The following MDC1 variants were observed in gnomAD, a reference collection of about 807,000 sequenced individuals.
The protein encoded by MDC1 is mediator of DNA damage checkpoint protein 1.
Under a neutral mutation model 142.5 loss-of-function variants are expected in MDC1, and 81 were observed. The ratio of observed to expected loss-of-function variants is 0.57; its 90% CI spans 0.47 to 0.68. The LOEUF is 0.68. Among genes scored for constraint, MDC1 ranks in the 30% least tolerant of loss-of-function variants. MDC1 has a pLI of 0.00. For missense variants in MDC1, 2,119 were observed against 2,547.9 expected (o/e 0.83, Z 3.62); for synonymous variants, 797 against 968.4 (o/e 0.82, Z 3.29).
chr6:30,701,157 C>T (rs1772606562), intron 14 of MDC1, among the ~76,000 whole-genome samples: 1 of 151,616 alleles, frequency 6.6e-6, no homozygotes, highest in Admixed American at 6.6e-5. Context: ...AATCCCAGCA[C>T]TTTGGGAGGC....
At position 30,708,375 on chromosome 6, in the gene MDC1, A is replaced by C. The variant is rs1338539910; in HGVS notation, c.2222-18T>G. On this transcript the variant is annotated intron_variant, in intron 7 of 14. Coordinates refer to ENST00000376406, the MANE Select transcript of MDC1 (RefSeq NM_014641.3). ...TAGGGTACCTGGAAGGGGAGGAAGG[A>C]AGAGAGAGAGAGGGAGAGGGAGAGA... 6.9e-6 allele frequency: 11 copies of C among 1,593,300 alleles called. No individual in the cohort carries two copies. The Admixed American group carries it at 1.5e-4, about 22-fold the overall frequency.
Position 30,712,818 on chromosome 6 carries a change from C to G in MDC1, c.1124G>C (p.Gly375Ala). Residue 375 changes from glycine (G) to alanine (A), a missense_variant, in exon 5 of 15, where the codon GGT (glycine) becomes GCT (alanine). Transcript: ENST00000376406. The surrounding 1 kb of genome is among the most constrained non-coding windows in gnomAD (Gnocchi z 4.7). ...GLAHLQESQA[G>A]SDTDVEEGKA... ...GCCTTCTTCCACATCTGTATCACTA[C>G]CAGCCTGGCTCTCCTGCAGATGGGC... 3.1e-6 allele frequency: 5 copies of G among 1,613,028 alleles called. No homozygotes were observed. Among genetic ancestry groups the G allele is most frequent in the Non-Finnish European group, 4.2e-6 (5 of 1,179,994 alleles).
intron 9 of MDC1, 87 bp from the exon 10 acceptor site, chr6:30,706,185 A>T: frequency 8.4e-7 from 1 of 1,194,276 alleles, no homozygotes; most frequent in Non-Finnish European, 1.2e-6. Flanking sequence ...GTTTATGGTT[A>T]GATAGGCTTA....
chr6:30,714,907 C>T, intron 2 of MDC1, 133 bp downstream of exon 2: 1 of 911,040 alleles, frequency 1.1e-6, no homozygotes, highest in African/African-American at 1.7e-5. Context: ...CAATCGGCCC[C>T]ATCTCTTCCA....
intron 14 of MDC1, 73 bp from the exon 15 acceptor site, chr6:30,700,705 G>A: frequency 1.4e-6 from 2 of 1,479,402 alleles, no homozygotes; most frequent in Admixed American, 1.8e-5. Context: ...CCACTAACCA[G>A]TCTTACCATC....
rs1775505786 is a variant in MDC1, at chr6:30,715,290, T to A, written c.-3-112A>T. On this transcript the variant is annotated intron_variant, in intron 1 of 14. Coordinates refer to ENST00000376406, the MANE Select transcript of MDC1 (RefSeq NM_014641.3). The surrounding 1 kb of genome is among the most constrained non-coding windows in gnomAD (Gnocchi z 4.1). ...ACTGGATCATTATGAACGTTGATGC[T>A]TCTCTTTCCACCAATCTTTCTGTTG... 1 of 1,151,246 alleles carries A rather than the reference T, an allele frequency of 8.7e-7. No homozygotes were observed. Among genetic ancestry groups the A allele is most frequent in the Admixed American group, 2.0e-5 (1 of 51,014 alleles). The allele number at this position is 1,151,246 out of a possible 1,614,324, so 71.3% of individuals were successfully genotyped here.
rs1210203774 is a variant in MDC1 at position 30,711,663 on chromosome 6, T to C, written c.2128+4A>G. The stretch of plus-strand genomic sequence containing the variant: ...CAGGATTCAAATAACACAGAAGTCC[T>C]CACCTTCCAGGCCCTGATTCTCCAG... On this transcript the variant is annotated splice_donor_region_variant and intron_variant, in intron 6 of 14. Transcript: ENST00000376406. 1 of 1,612,848 alleles carries C rather than the reference T, an allele frequency of 6.2e-7. No individual in the cohort carries two copies. The highest frequency in any genetic ancestry group is 1.1e-5 in the South Asian group (1 of 91,040).
chr6:30,702,001 G>A (rs1016738334), intron 14 of MDC1, among the ~76,000 whole-genome samples: 3 of 151,584 alleles, frequency 2.0e-5, no homozygotes, highest in African/African-American at 4.8e-5. Context: ...GGTGGCTCAC[G>A]CCTGTAATCC....
In MDC1 at chr6:30,703,326, G is replaced by A; in HGVS notation, c.5683-40C>T. ...ACCTGAGGTGGTTACGGCAACCCAT[G>A]CCATCAGCACCCATCTCTACAATCC... On this transcript the variant is annotated intron_variant, in intron 11 of 14. Coordinates refer to ENST00000376406, the MANE Select transcript of MDC1 (RefSeq NM_014641.3). This position sits in a 1 kb window ranked among gnomAD's most constrained non-coding sequence, Gnocchi z 4.4. The A allele has an allele frequency of 6.2e-7, 1 of 1,608,988 alleles. No homozygotes were observed. Among genetic ancestry groups the A allele is most frequent in the African/African-American group, 1.3e-5 (1 of 74,980 alleles).
chr6:30,716,318 G>A lies in MDC1; in HGVS notation c.-4+927C>T, dbSNP rs1232730331. Among the ~76,000 whole-genome samples the A allele has an allele frequency of 6.6e-6, 1 of 151,916 alleles. No individual in the cohort carries two copies. Among genetic ancestry groups the A allele is most frequent in the Non-Finnish European group, 1.5e-5 (1 of 67,974 alleles). On this transcript the variant is annotated intron_variant, in intron 1 of 14. Coordinates refer to ENST00000376406, the MANE Select transcript of MDC1 (RefSeq NM_014641.3). The surrounding 1 kb of genome is among the most constrained non-coding windows in gnomAD (Gnocchi z 4.4). ...GGCTCACTGCAACCTCTGCCTCCAG[G>A]CTTCAAGCGATTCTCCTGCCTCAGC...
At position 30,715,127 on chromosome 6, in the gene MDC1, TCTC is replaced by T; in HGVS notation, c.46_48del (p.Glu16del). The T allele has an allele frequency of 6.2e-7, 1 of 1,614,176 alleles. No individual in the cohort carries two copies. The highest frequency in any genetic ancestry group is 8.5e-7 in the Non-Finnish European group (1 of 1,180,016). The stretch of plus-strand genomic sequence containing the variant: ...CTCAAGGATTCACTGGATTGCTCTG[TCTC>T]CTCCTCTTCTTCAACATCCCAGTCA... On this transcript the variant is annotated inframe_deletion, in exon 2 of 15. Transcript: ENST00000376406. The surrounding 1 kb of genome is among the most constrained non-coding windows in gnomAD (Gnocchi z 4.1).
In MDC1 at chr6:30,704,826, G is replaced by C. The variant is rs1457512155; in HGVS notation, c.4357C>G (p.Pro1453Ala). ...KTPETVVPTA[P>A]ELQPSTSTDQ... ...GTGGAGGTGGAAGGCTGGAGCTCAGGGGCTGTGGGGACAACTGTTTCAGGG... is the reference window on the plus strand; with the variant it reads ...GTGGAGGTGGAAGGCTGGAGCTCAGCGGCTGTGGGGACAACTGTTTCAGGG... Residue 1453 changes from proline (P) to alanine (A), a missense_variant, in exon 10 of 15, where the codon CCT becomes GCT. By Grantham distance (27) the Pro-to-Ala change is conservative. Coordinates refer to ENST00000376406, the MANE Select transcript of MDC1 (RefSeq NM_014641.3). The C allele has an allele frequency of 1.9e-6, 3 of 1,610,792 alleles. No homozygotes were observed. The Admixed American group carries it at 5.0e-5, about 27-fold the overall frequency.
At position 30,712,301 on chromosome 6, in the gene MDC1, C is replaced by G; in HGVS notation, c.1641G>C (p.Gly547=). ...HIKKHQVSVE[G]TNQTDVKAVG... ...CTGCTTTCACATCTGTTTGATTTGT[C>G]CCCTCCACAGACACCTGATGCTTCT... Residue 547 remains glycine (G), a synonymous_variant, in exon 5 of 15, where the codon GGG becomes GGC. Coordinates refer to ENST00000376406, the MANE Select transcript of MDC1 (RefSeq NM_014641.3). The surrounding 1 kb of genome is among the most constrained non-coding windows in gnomAD (Gnocchi z 4.7). The G allele has an allele frequency of 6.2e-7, 1 of 1,613,128 alleles. No homozygotes were observed. Among genetic ancestry groups the G allele is most frequent in the East Asian group, 2.2e-5 (1 of 44,886 alleles).
Position 30,712,703 on chromosome 6 carries a change from C to T in MDC1, c.1239G>A (p.Ala413=), listed in dbSNP as rs770604504. ...TCTCTTTCAGATGTGCCAAAGTCAG[C>T]GCTGCTGAGACTTCTTCCTCGTCAT... The part of the protein sequence containing the change: ...DTDDEEEVSA[A]LTLAHLKESQ... Residue 413 remains alanine, a synonymous_variant, in exon 5 of 15, where the codon GCG becomes GCA. Coordinates refer to ENST00000376406, the MANE Select transcript of MDC1 (RefSeq NM_014641.3). The surrounding 1 kb of genome is among the most constrained non-coding windows in gnomAD (Gnocchi z 4.7). The T allele has an allele frequency of 6.8e-6, 11 of 1,613,032 alleles. No individual in the cohort carries two copies. Among genetic ancestry groups the T allele is most frequent in the South Asian group, 6.6e-5 (6 of 91,076 alleles).
At position 30,704,972 on chromosome 6, in the gene MDC1, G is replaced by A. The variant is rs1331735866; in HGVS notation, c.4211C>T (p.Pro1404Leu). The A allele has an allele frequency of 1.9e-6, 3 of 1,608,394 alleles. No homozygotes were observed. Among genetic ancestry groups the A allele is most frequent in the South Asian group, 2.2e-5 (2 of 90,512 alleles). ...AGGGGCTGTGGGGACAAGTGTTTCA[G>A]GGGTCTTGCCAGAGGATCTATTTTT... is the stretch of plus-strand genomic sequence containing the variant. ...GRKNRSSGKT[P>L]ETLVPTAPKL... Residue 1404 changes from proline to leucine, a missense_variant, in exon 10 of 15, where the codon CCT becomes CTT. By Grantham distance (98) the Pro-to-Leu change is moderately conservative. Transcript: ENST00000376406.
intron 7 of MDC1, 81 bp downstream of exon 7, chr6:30,711,331 A>G (rs1774847263): frequency 7.9e-7 from 1 of 1,272,618 alleles, no homozygotes; most frequent in African/African-American, 1.5e-5. Flanking sequence ...AGACTGCACC[A>G]CTGTAATCCA....
Position 30,703,411 on chromosome 6 carries a change from C to G in MDC1, c.5682+7G>C, listed in dbSNP as rs1463208791. ...CTCCCACAAAGTCCCATGCCTTTGT[C>G]TCTTACTTTGGGGGCTGTTGATTCT... On this transcript the variant is annotated splice_region_variant and intron_variant, in intron 11 of 14. Transcript: ENST00000376406. The surrounding 1 kb of genome is among the most constrained non-coding windows in gnomAD (Gnocchi z 4.4). 4 of 1,613,774 alleles carry G rather than the reference C, an allele frequency of 2.5e-6. No individual in the cohort carries two copies. Among genetic ancestry groups the G allele is most frequent in the Non-Finnish European group, 3.4e-6 (4 of 1,180,030 alleles).
Position 30,711,942 on chromosome 6 carries a change from T to C in MDC1, c.2000A>G (p.Gln667Arg). ...TTCTCTCTCCCTTCCTGTGGGGACC[T>C]GGGCTCCCTCTCTCTGTGGCTGGGT... ...ESTQPQREGA[Q>R]VPTGREREQH... is the part of the protein sequence containing the mutation. Residue 667 changes from glutamine to arginine, a missense_variant, in exon 5 of 15, where the codon CAG (glutamine) becomes CGG (arginine). Coordinates refer to ENST00000376406, the MANE Select transcript of MDC1 (RefSeq NM_014641.3). 1.9e-6 allele frequency: 3 copies of C among 1,557,246 alleles called. No individual in the cohort carries two copies. Among genetic ancestry groups the C allele is most frequent in the Non-Finnish European group, 2.6e-6 (3 of 1,154,640 alleles).
chr6:30,712,597 T>A lies in MDC1; in HGVS notation c.1345A>T (p.Thr449Ser), dbSNP rs773132616. The change falls in exon 5 of 15, where the codon ACT becomes TCT. Residue 449 changes from threonine to serine, a missense_variant. Coordinates refer to ENST00000376406, the MANE Select transcript of MDC1 (RefSeq NM_014641.3). This position sits in a 1 kb window ranked among gnomAD's most constrained non-coding sequence, Gnocchi z 4.7. ...ACGTCTGTGTCACTGTCTCTCTCAG[T>A]GGTGGTTTGGCTTCGCTGCAGAAGG... ...VVLLQRSQTT[T>S]ERDSDTDVEE... 6.2e-7 allele frequency: 1 copy of A among 1,612,920 alleles called. No homozygotes were observed. The highest frequency in any genetic ancestry group is 8.5e-7 in the Non-Finnish European group (1 of 1,179,942).
Sources: gnomAD v4.1 joint callset for allele counts (sites outside exome capture counted in the v4.1 genomes callset) on GRCh38, gnomAD v4.1.1 for gene constraint, Gnocchi (gnomAD v3.1) non-coding constraint, MANE v1.5 for transcripts, NCBI Gene and HGNC (gene_info 2026-07-23, HGNC 2026-07-21) for gene names.